Variants in CSTPP1 observed in about 807,000 individuals in gnomAD.
The protein encoded by CSTPP1 is UPF0705 protein C11orf49.
At chr11:47,089,622 A>G in the CSTPP1 span, among the ~76,000 whole-genome samples, 1 of 152,354 alleles carries the variant, frequency 6.6e-6, no homozygotes, top group South Asian at 2.1e-4. Flanking sequence ...TTCAAAACAT[A>G]GTTACTAATT....
At chr11:46,947,646 T>TTA in the CSTPP1 span, among the ~76,000 whole-genome samples, 1 of 152,346 alleles carries the variant, frequency 6.6e-6, no homozygotes, top group African/African-American at 2.4e-5. Context: ...CAATTAGCTT[T>TTA]TAAAGCACTA....
the CSTPP1 span, among the ~76,000 whole-genome samples, chr11:46,938,034 C>T: frequency 6.6e-6 from 1 of 151,768 alleles, no homozygotes; most frequent in African/African-American, 2.4e-5. Flanking sequence ...GCCACCACGC[C>T]AGGTTAATTT....
chr11:47,037,529 T>C, the CSTPP1 span, among the ~76,000 whole-genome samples: 1 of 117,742 alleles, frequency 8.5e-6, no homozygotes, highest in Admixed American at 9.4e-5. Context: ...CAGAGGACCC[T>C]GCGGCCTTCT....
the CSTPP1 span, among the ~76,000 whole-genome samples, chr11:47,061,316 GTCTA>G: frequency 3.3e-5 from 5 of 152,116 alleles, no homozygotes; most frequent in Non-Finnish European, 5.9e-5. Context: ...ATTGCAGTGG[GTCTA>G]TCTGAGTATG....
the CSTPP1 span, among the ~76,000 whole-genome samples, chr11:47,039,108 G>C: frequency 2.6e-3 from 335 of 127,012 alleles, 22 homozygotes; most frequent in African/African-American, 7.8e-3. Context: ...GGTGGCGGCC[G>C]GGCAGAGGCT....
At chr11:47,094,996 GGAGATATTTTTATTTTACT>G in the CSTPP1 span, among the ~76,000 whole-genome samples, 91 of 152,274 alleles carry the variant, frequency 6.0e-4, no homozygotes, top group African/African-American at 2.1e-3. Flanking sequence ...TGTGTTATTT[GGAGATATTTTTATTTTACT>G]GATTTGACTT....
chr11:47,031,608 G>C, the CSTPP1 span, among the ~76,000 whole-genome samples: 1 of 151,966 alleles, frequency 6.6e-6, no homozygotes, highest in East Asian at 1.9e-4. Context: ...GAGGCAGGGG[G>C]ATCGCTTCAG....
the CSTPP1 span, among the ~76,000 whole-genome samples, chr11:46,946,379 C>T: frequency 1.3e-5 from 2 of 152,156 alleles, no homozygotes; most frequent in African/African-American, 4.8e-5. Flanking sequence ...TAGAGCAGGC[C>T]GGGAGCAGTG....
chr11:47,155,147 CTCTCTCAGAT>C, the CSTPP1 span: 1 of 1,571,798 alleles, frequency 6.4e-7, no homozygotes, highest in Non-Finnish European at 8.7e-7. Flanking sequence ...CCCCCATTCT[CTCTCTCAGAT>C]TCTCTCTTTC....
the CSTPP1 span, among the ~76,000 whole-genome samples, chr11:46,970,868 A>G: frequency 2.0e-5 from 3 of 152,204 alleles, no homozygotes; most frequent in African/African-American, 7.2e-5. Flanking sequence ...ATCAATCCAC[A>G]TGCCCATCAA....
the CSTPP1 span, among the ~76,000 whole-genome samples, chr11:47,080,439 A>C: frequency 2.6e-4 from 40 of 152,190 alleles, no homozygotes; most frequent in Admixed American, 2.6e-4. Flanking sequence ...TGGGTGACAG[A>C]GTGAAACTCC....
the CSTPP1 span, among the ~76,000 whole-genome samples, chr11:46,982,277 T>A: frequency 1.3e-5 from 2 of 152,092 alleles, no homozygotes; most frequent in Non-Finnish European, 2.9e-5. Context: ...TATCAAACTC[T>A]GGCAAGGGGG....
chr11:46,938,064 G>A, the CSTPP1 span, among the ~76,000 whole-genome samples: 1 of 151,614 alleles, frequency 6.6e-6, no homozygotes, highest in African/African-American at 2.4e-5. Flanking sequence ...AGTAGAGACG[G>A]GGTTTCACCA....
the CSTPP1 span, among the ~76,000 whole-genome samples, chr11:46,952,194 T>C: frequency 6.6e-6 from 1 of 152,216 alleles, no homozygotes; most frequent in Non-Finnish European, 1.5e-5. Flanking sequence ...TAGGAAGTCA[T>C]CATTGGATTT....
the CSTPP1 span, among the ~76,000 whole-genome samples, chr11:46,959,943 T>C: frequency 6.6e-6 from 1 of 151,066 alleles, no homozygotes; most frequent in Non-Finnish European, 1.5e-5. Context: ...TTCGGCTCAC[T>C]GCAACCTCCA....
the CSTPP1 span, among the ~76,000 whole-genome samples, chr11:47,147,632 G>A: frequency 4.6e-5 from 7 of 152,284 alleles, no homozygotes; most frequent in East Asian, 1.4e-3. Flanking sequence ...GCAGCAGGAA[G>A]GCTTCATTAC....
the CSTPP1 span, among the ~76,000 whole-genome samples, chr11:47,137,101 A>G: frequency 3.3e-5 from 5 of 152,186 alleles, no homozygotes; most frequent in African/African-American, 4.8e-5. Context: ...GTGTTCAGCC[A>G]TTCAAAAGAA....
At chr11:47,121,070 T>A in the CSTPP1 span, among the ~76,000 whole-genome samples, 1 of 152,208 alleles carries the variant, frequency 6.6e-6, no homozygotes, top group African/African-American at 2.4e-5. Context: ...CTAAGCATCA[T>A]CTTTGTCATC....
the CSTPP1 span, among the ~76,000 whole-genome samples, chr11:47,034,487 A>G: frequency 2.1e-5 from 3 of 143,424 alleles, no homozygotes; most frequent in Non-Finnish European, 4.5e-5. Context: ...TTTTTCCTCA[A>G]TGATTTTTAA....
Sources: allele counts gnomAD v4.1 joint callset (sites outside exome capture counted in the v4.1 genomes callset), GRCh38; gene constraint gnomAD v4.1.1; transcripts MANE v1.5; gene names NCBI Gene and HGNC (gene_info 2026-07-23, HGNC 2026-07-21).